NBPF11: variants seen among roughly 807,000 people sequenced by gnomAD.
NBPF11 encodes the protein NBPF member 11.
NBPF11 carries 72 observed loss-of-function variants against 93.9 expected under a neutral mutation model. The observed-to-expected ratio is 0.77, with a 90% CI of 0.63 to 0.93. The LOEUF (loss-of-function observed/expected upper bound fraction) is 0.93. Ranked by LOEUF, NBPF11 falls within the 40% of genes least tolerant of loss-of-function variation. The probability of loss-of-function intolerance (pLI) is 0.00; values close to 1 mark genes in which losing one functional copy is unlikely to be tolerated. For missense variants in NBPF11, 705 were observed against 802.2 expected, an observed-to-expected ratio of 0.88 and a Z score of 1.46; for synonymous variants, 224 against 304.9, an observed-to-expected ratio of 0.73 and a Z score of 2.76.
Position 148,102,654 on chromosome 1 carries a change from C to G in NBPF11, c.*1242G>C, listed in dbSNP as rs1326213069. On this transcript the variant is annotated 3_prime_UTR_variant, in exon 24 of 24. Transcript: ENST00000682118. ...TCAGAATGTAGATCATTGAGCCAGA[C>G]AGCTGACCTGTCCTCTATAAACAAG... The G allele has an allele frequency of 2.0e-5, 3 of 150,996 alleles. No homozygotes were observed. The highest frequency in any genetic ancestry group is 1.3e-4 in the Admixed American group (2 of 15,206). The allele number at this position is 150,996 out of a possible 1,614,324, so 9.4% of individuals were successfully genotyped here.
intron 10 of NBPF11, among the ~76,000 whole-genome samples, chr1:148,119,826 T>C (rs1180755595): frequency 2.0e-5 from 3 of 151,902 alleles, no homozygotes; most frequent in Non-Finnish European, 4.4e-5. Context: ...CATCTACTTT[T>C]TGTATTTTTA....
intron 3 of NBPF11, among the ~76,000 whole-genome samples, chr1:148,137,245 G>T (rs1391246630): frequency 6.6e-6 from 1 of 151,838 alleles, no homozygotes; most frequent in Admixed American, 6.5e-5. Flanking sequence ...GAAGGTGGGA[G>T]CTTGAGAAGG....
intron 5 of NBPF11, among the ~76,000 whole-genome samples, chr1:148,126,102 A>T (rs1669042219): frequency 6.6e-6 from 1 of 151,878 alleles, no homozygotes; most frequent in Non-Finnish European, 1.5e-5. Flanking sequence ...CTGGGTTCAA[A>T]GGATTCTCCT....
intron 20 of NBPF11, 151 bp from the exon 21 acceptor site, chr1:148,106,383 G>A (rs1242215121): frequency 6.0e-6 from 4 of 662,978 alleles, no homozygotes; most frequent in African/African-American, 3.7e-5. Flanking sequence ...CTGAAAGCTG[G>A]TCATGATATT....
Position 148,105,473 on chromosome 1 carries a change from C to G in NBPF11, c.2359G>C (p.Asp787His), listed in dbSNP as rs1663324926. 8.9e-7 allele frequency: 1 copy of G among 1,121,478 alleles called. No individual in the cohort carries two copies. Among genetic ancestry groups the G allele is most frequent in the Non-Finnish European group, 1.3e-6 (1 of 774,968 alleles). 69.5% of individuals were successfully genotyped at this position (1,121,478 alleles called of 1,614,324 possible). A position where few individuals can be genotyped will look rare whatever the true frequency, so the allele number is the denominator to read the frequency against. ...VEPEVLQDSL[D>H]VIQLLPVVLN... ...ACAACTGGAAGGAGTTGAATAACAT[C>G]CAGTGAGTCCTGCAAGACTTCAGGC... is the stretch of plus-strand genomic sequence containing the variant. Residue 787 changes from aspartate (D) to histidine (H), a missense_variant, in exon 22 of 24, where the codon GAT becomes CAT. Around this residue, in one of 12 missense-constraint regions of NBPF11, gnomAD observed 109 missense variants for 83.3 expected, o/e 1.31. Transcript: ENST00000682118.
In NBPF11 at chr1:148,126,941, G is replaced by T; in HGVS notation, c.63C>A (p.Asn21Lys). ...EKAEMNILEI[N>K]EKLRPQLAEN... The stretch of plus-strand genomic sequence containing the variant: ...CTGCCAACTGGGGGCGCAATTTCTC[G>T]TTGATTTCTAGAATGTTCATCTCTG... Residue 21 changes from asparagine (N) to lysine (K), a missense_variant, in exon 5 of 24, where the codon AAC becomes AAA. Around this residue, in one of 12 missense-constraint regions of NBPF11, gnomAD observed 128 missense variants for 112.8 expected, o/e 1.14. Transcript: ENST00000682118. 3.1e-6 allele frequency: 3 copies of T among 978,052 alleles called. No individual in the cohort carries two copies. Among genetic ancestry groups the T allele is most frequent in the South Asian group, 2.6e-5 (2 of 77,394 alleles). The allele number at this position is 978,052 out of a possible 1,614,324, so 60.6% of individuals were successfully genotyped here.
chr1:148,121,646 CGCCCA>C (rs1386691337), intron 9 of NBPF11, among the ~76,000 whole-genome samples: 4 of 151,658 alleles, frequency 2.6e-5, no homozygotes, highest in Middle Eastern at 3.4e-3. Context: ...TGACCCACTG[CGCCCA>C]GCCAAGACTT....
At chr1:148,146,277 G>A in intron 1 of NBPF11, 1 of 1,292,936 alleles carries the variant, frequency 7.7e-7, no homozygotes. Flanking sequence ...CGGTAGCTGG[G>A]GGGGCGCTCT....
chr1:148,122,332 C>A lies in NBPF11; in HGVS notation c.567-66G>T, dbSNP rs1482477639. 1.3e-4 allele frequency: 211 copies of A among 1,609,756 alleles called. 1 individual carries two copies. The East Asian group carries it at 4.6e-3, about 35-fold the overall frequency. ...ACAGAGGGATTGGACCCCAAGGAGT[C>A]CTAGCTGGTTTTGACAAGCGGCATT... On this transcript the variant is annotated intron_variant, in intron 8 of 23. Transcript: ENST00000682118.
chr1:148,145,542 C>A (rs1333904927), intron 1 of NBPF11, among the ~76,000 whole-genome samples: 3 of 149,446 alleles, frequency 2.0e-5, no homozygotes, highest in Middle Eastern at 3.4e-3. Context: ...ACACAATAAG[C>A]AGTAACCATA....
rs1476109389 is a variant in NBPF11 at position 148,126,189 on chromosome 1, C to T, written c.175+640G>A. ...CTACTTTTTGTATTTTTAGTGGAGA[C>T]GGGGTTTCTCCATGTTGCCCAGGCT... On this transcript the variant is annotated intron_variant, in intron 5 of 23. Coordinates refer to ENST00000682118, the MANE Select transcript of NBPF11 (RefSeq NM_001385469.3). 7.9e-3 allele frequency among the ~76,000 whole-genome samples: 1,204 copies of T among 151,740 alleles called. 36 individuals are homozygous for T. Among genetic ancestry groups the T allele is most frequent in the African/African-American group, 0.027 (1,095 of 41,154 alleles).
intron 2 of NBPF11, among the ~76,000 whole-genome samples, chr1:148,140,330 A>T (rs1400968198): frequency 6.6e-6 from 1 of 151,940 alleles, no homozygotes; most frequent in East Asian, 1.9e-4. Flanking sequence ...AGGAGATAAC[A>T]TAGGAGAAAA....
In NBPF11 at chr1:148,126,897, C is replaced by A. The variant is rs1553273262; in HGVS notation, c.107G>T (p.Arg36Ile). 1.4e-6 allele frequency: 2 copies of A among 1,423,424 alleles called. No individual in the cohort carries two copies. Among genetic ancestry groups the A allele is most frequent in the Admixed American group, 3.4e-5 (2 of 58,570 alleles). 88.2% of individuals were successfully genotyped at this position (1,423,424 alleles called of 1,614,324 possible). ...TAGAAAACATCTCTCTTTGAGGTTTCTGAACTGCTGTTTGTTCTCTGCCAA... is the reference window on the plus strand; with the variant it reads ...TAGAAAACATCTCTCTTTGAGGTTTATGAACTGCTGTTTGTTCTCTGCCAA... ...PQLAENKQQF[R>I]NLKERCFLTQ... is the part of the protein sequence containing the mutation. Residue 36 changes from arginine (R) to isoleucine (I), a missense_variant, in exon 5 of 24, where the codon AGA becomes ATA. Physicochemically the swap from Arg to Ile is moderately conservative, Grantham distance 97. Coordinates refer to ENST00000682118, the MANE Select transcript of NBPF11 (RefSeq NM_001385469.3).
At chr1:148,114,756 C>CA (rs1666077184) in intron 14 of NBPF11, among the ~76,000 whole-genome samples, 3 of 139,862 alleles carry the variant, frequency 2.1e-5, no homozygotes, top group East Asian at 4.2e-4. Context: ...ATTTTTTCCC[C>CA]AAAAAAATCT....
Position 148,122,269 on chromosome 1 carries a change from G to A in NBPF11, c.567-3C>T, listed in dbSNP as rs1297604346. On this transcript the variant is annotated splice_region_variant and splice_polypyrimidine_tract_variant and intron_variant, in intron 8 of 23. Transcript: ENST00000682118. ...TCTCTTCAGCCTTCTGCACCTCCCTGATGAGCCAGGTGGGACAGAGATGAC... is the reference window on the plus strand; with the variant it reads ...TCTCTTCAGCCTTCTGCACCTCCCTAATGAGCCAGGTGGGACAGAGATGAC... 3.1e-6 allele frequency: 5 copies of A among 1,609,248 alleles called. No individual in the cohort carries two copies. Among genetic ancestry groups the A allele is most frequent in the Non-Finnish European group, 4.2e-6 (5 of 1,177,570 alleles).
intron 1 of NBPF11, chr1:148,149,520 G>T (rs1461455778): frequency 1.4e-5 from 22 of 1,593,400 alleles, no homozygotes; most frequent in East Asian, 4.5e-5. Flanking sequence ...TACCTGGAGC[G>T]CCTGCGTCGC....
chr1:148,125,707 G>A (rs1668958379), intron 5 of NBPF11, among the ~76,000 whole-genome samples: 1 of 152,002 alleles, frequency 6.6e-6, no homozygotes, highest in Non-Finnish European at 1.5e-5. Flanking sequence ...TAATGTTCAA[G>A]GAGATCGACA....
chr1:148,147,704 C>G (rs1470195020), intron 1 of NBPF11, among the ~76,000 whole-genome samples: 1 of 151,976 alleles, frequency 6.6e-6, no homozygotes, highest in Admixed American at 6.5e-5. Context: ...TCGTCGTTGC[C>G]TTGGTGATAT....
chr1:148,112,928 T>C (rs1360986499), intron 15 of NBPF11, among the ~76,000 whole-genome samples: 1 of 151,682 alleles, frequency 6.6e-6, no homozygotes, highest in East Asian at 1.9e-4. Flanking sequence ...CTGAGAGATT[T>C]TGTCACCACC....
Sources: allele counts gnomAD v4.1 joint callset (sites outside exome capture counted in the v4.1 genomes callset), GRCh38; gene constraint gnomAD v4.1.1; regional missense constraint gnomAD v4.1.1; transcripts MANE v1.5; gene names NCBI Gene and HGNC (gene_info 2026-07-23, HGNC 2026-07-21).